The following BCL2L13 variants were observed in gnomAD, a reference collection of about 807,000 sequenced individuals.
BCL2L13 encodes bcl-2-like protein 13.
A neutral mutation model predicts 25.8 loss-of-function variants in BCL2L13; 13 were observed. The ratio of observed to expected loss-of-function variants is 0.50; its 90% CI spans 0.33 to 0.80. BCL2L13 has a LOEUF of 0.80. BCL2L13 is among the 30% of genes least tolerant of loss of function. The probability of loss-of-function intolerance (pLI) is 0.02; values close to 1 mark genes in which losing one functional copy is unlikely to be tolerated. For missense variants in BCL2L13, 504 were observed against 574.9 expected (o/e 0.88, Z 1.26); for synonymous variants, 244 against 230.3 (o/e 1.06, Z -0.54).
intron 5 of BCL2L13, among the ~76,000 whole-genome samples, chr22:17,700,903 G>GT (rs1218842537): frequency 1.3e-5 from 2 of 152,078 alleles, no homozygotes; most frequent in African/African-American, 4.8e-5. Flanking sequence ...TAAACTCATT[G>GT]TTTTTTGTTT....
chr22:17,638,073 C>G (rs926604488), upstream of BCL2L13: 4 of 152,196 alleles, frequency 2.6e-5, no homozygotes, highest in African/African-American at 7.2e-5. Flanking sequence ...ATTTGATCTC[C>G]CTAAAACACA....
rs1272261120 is a variant in BCL2L13 at position 17,685,754 on chromosome 22, CTTTTTCTTTTTTTT to C, written c.229+2439_229+2452del. ...GACATATATTGCCCAATAATTTTTT[CTTTTTCTTTTTTTT>C]TTTTTTTTTTTTTTTTTTTTTGAGA... On this transcript the variant is annotated intron_variant, in intron 3 of 6. Transcript: ENST00000317582. Among the ~76,000 whole-genome samples, 142 of 53,994 alleles carry C rather than the reference CTTTTTCTTTTTTTT, an allele frequency of 2.6e-3. 2 individuals carry two copies. Among genetic ancestry groups the C allele is most frequent in the African/African-American group, 8.6e-3 (135 of 15,780 alleles). The allele number at this position is 53,994 out of a possible 152,430, so 35.4% of individuals were successfully genotyped here.
At chr22:17,639,001 C>T in intron 1 of BCL2L13, 115 bp downstream of exon 1, 1 of 861,294 alleles carries the variant, frequency 1.2e-6, no homozygotes, top group Non-Finnish European at 1.5e-6. Flanking sequence ...GTTCCGACGA[C>T]GCGTGAGTTT....
At chr22:17,700,360 C>G (rs1229939871) in intron 5 of BCL2L13, among the ~76,000 whole-genome samples, 4 of 152,120 alleles carry the variant, frequency 2.6e-5, no homozygotes, top group Non-Finnish European at 5.9e-5. Flanking sequence ...ACTAGGGTGT[C>G]TGCTTTTCGA....
chr22:17,688,924 C>T, intron 3 of BCL2L13, 62 bp from the exon 4 acceptor site: 2 of 1,526,102 alleles, frequency 1.3e-6, no homozygotes, highest in Admixed American at 3.8e-5. Flanking sequence ...TGTGCCACCA[C>T]ACCCAGCTAA....
chr22:17,693,372 G>GTTTGGTTTTTTTT (rs1284865411), intron 4 of BCL2L13, among the ~76,000 whole-genome samples: 4 of 70,608 alleles, frequency 5.7e-5, no homozygotes, highest in African/African-American at 1.0e-4. Context: ...TTTAGTGTTT[G>GTTTGGTTTTTTTT]TTTTTTTTTT....
intron 3 of BCL2L13, among the ~76,000 whole-genome samples, chr22:17,687,408 C>G (rs1048579906): frequency 6.6e-6 from 1 of 152,118 alleles, no homozygotes; most frequent in African/African-American, 2.4e-5. Context: ...GTGTCATGAT[C>G]AGGGCTCACT....
chr22:17,715,137 TATATATATATATATATATATATATATA>T lies in BCL2L13; in HGVS notation c.601-11539_601-11513del, dbSNP rs1569007368. On this transcript the variant is annotated intron_variant, in intron 6 of 6. Transcript: ENST00000317582. The stretch of plus-strand genomic sequence containing the variant: ...AGTGTTAATTTTATATATATATATA[TATATATATATATATATATATATATATA>T]TATATATTTTTTTTTTTTTTTTTTT... Among the ~76,000 whole-genome samples, 7 of 2,858 alleles carry T rather than the reference TATATATATATATATATATATATATATA, an allele frequency of 2.4e-3. 1 individual carries two copies. The highest frequency in any genetic ancestry group is 0.012 in the East Asian group (1 of 84). 1.9% of individuals were successfully genotyped at this position (2,858 alleles called of 152,430 possible). A position where few individuals can be genotyped will look rare whatever the true frequency, so the allele number is the denominator to read the frequency against.
intron 1 of BCL2L13, among the ~76,000 whole-genome samples, chr22:17,648,231 C>G (rs73376764): frequency 2.0e-5 from 3 of 151,972 alleles, no homozygotes; most frequent in Non-Finnish European, 2.9e-5. Context: ...AGAGACATAA[C>G]CCTGTAGTAG....
chr22:17,682,808 A>C (rs567777808), intron 2 of BCL2L13, among the ~76,000 whole-genome samples: 5 of 152,248 alleles, frequency 3.3e-5, no homozygotes, highest in South Asian at 4.1e-4. Context: ...TTTGATAATG[A>C]ATTTTGATTT....
Position 17,726,783 on chromosome 22 carries a change from G to A in BCL2L13, c.707G>A (p.Ser236Asn), listed in dbSNP as rs1220905109. The A allele has an allele frequency of 6.2e-7, 1 of 1,614,098 alleles. No individual in the cohort carries two copies. The highest frequency in any genetic ancestry group is 8.5e-7 in the Non-Finnish European group (1 of 1,180,056). Residue 236 changes from serine to asparagine, a missense_variant, in exon 7 of 7, where the codon AGT becomes AAT. Transcript: ENST00000317582. Reference sequence around the variant, plus strand: ...CCCAGCGACAACTCTGGACAAGTCAGTCCCCCAGAGTCTCCAACTGTGACC... The same window carrying A: ...CCCAGCGACAACTCTGGACAAGTCAATCCCCCAGAGTCTCCAACTGTGACC... The part of the protein sequence containing the change: ...ILPSDNSGQV[S>N]PPESPTVTTS...
At chr22:17,643,768 C>G (rs561552034) in intron 1 of BCL2L13, among the ~76,000 whole-genome samples, 129 of 151,350 alleles carry the variant, frequency 8.5e-4, no homozygotes, top group Middle Eastern at 3.4e-3. Context: ...CACTCGCCAC[C>G]ATGCCCGGCT....
intron 1 of BCL2L13, among the ~76,000 whole-genome samples, chr22:17,644,117 G>T (rs1307765916): frequency 2.6e-5 from 4 of 150,976 alleles, no homozygotes; most frequent in African/African-American, 9.9e-5. Context: ...CACCATGTTG[G>T]CCAGGCTGGT....
chr22:17,682,134 C>G (rs761055822), intron 2 of BCL2L13, among the ~76,000 whole-genome samples: 1 of 152,000 alleles, frequency 6.6e-6, no homozygotes, highest in Non-Finnish European at 1.5e-5. Context: ...TTTTTTGTAC[C>G]TTAGTACTTG....
Position 17,646,629 on chromosome 22 carries a change from T to A in BCL2L13, c.-51+7743T>A, listed in dbSNP as rs1028568751. Among the ~76,000 whole-genome samples, 2 of 150,786 alleles carry A rather than the reference T, an allele frequency of 1.3e-5. 1 individual carries two copies. Among genetic ancestry groups the A allele is most frequent in the African/African-American group, 5.0e-5 (2 of 40,366 alleles). ...CAAGAACACTTGTACTAACTTGAATTTTAAGAGGTCCTATTAGATAAAATT... is the reference window on the plus strand; with the variant it reads ...CAAGAACACTTGTACTAACTTGAATATTAAGAGGTCCTATTAGATAAAATT... On this transcript the variant is annotated intron_variant, in intron 1 of 6. Coordinates refer to ENST00000317582, the MANE Select transcript of BCL2L13 (RefSeq NM_015367.4).
At chr22:17,705,170 G>A (rs2060554333) in intron 6 of BCL2L13, among the ~76,000 whole-genome samples, 1 of 151,818 alleles carries the variant, frequency 6.6e-6, no homozygotes, top group South Asian at 2.1e-4. Context: ...CTACTTGGGA[G>A]GCTAAGGCAG....
chr22:17,665,534 G>A (rs1406939271), intron 2 of BCL2L13, among the ~76,000 whole-genome samples: 6 of 152,120 alleles, frequency 3.9e-5, no homozygotes, highest in Admixed American at 1.3e-4. Flanking sequence ...TATGAGAACA[G>A]TATGGGGGAA....
At chr22:17,669,267 C>CTA (rs1568950857) in intron 2 of BCL2L13, among the ~76,000 whole-genome samples, 1 of 151,956 alleles carries the variant, frequency 6.6e-6, no homozygotes, top group East Asian at 1.9e-4. Flanking sequence ...CTCCTGACCT[C>CTA]GTGATCTGCC....
At chr22:17,646,591 C>T in intron 1 of BCL2L13, among the ~76,000 whole-genome samples, 1 of 150,900 alleles carries the variant, frequency 6.6e-6, no homozygotes, top group Non-Finnish European at 1.5e-5. Flanking sequence ...TGTATTTACT[C>T]ACTTCTGGAT....
Sources: gnomAD v4.1 joint callset for allele counts (sites outside exome capture counted in the v4.1 genomes callset) on GRCh38, gnomAD v4.1.1 for gene constraint, MANE v1.5 for transcripts, NCBI Gene and HGNC (gene_info 2026-07-23, HGNC 2026-07-21) for gene names.